FGF12: variants seen among roughly 807,000 people sequenced by gnomAD.
FGF12 encodes fibroblast growth factor 12B.
In FGF12, 14 loss-of-function variants were observed where a neutral mutation model predicts 23.6. That is an observed-to-expected ratio of 0.59 (90% CI 0.39 to 0.93). FGF12 has a LOEUF of 0.93. Among genes scored for constraint, FGF12 ranks in the 40% least tolerant of loss-of-function variants. FGF12 has a pLI of 0.00. For missense variants in FGF12, 175 were observed against 217.8 expected, an observed-to-expected ratio of 0.80 and a Z score of 1.24; for synonymous variants, 62 against 77.3, an observed-to-expected ratio of 0.80 and a Z score of 1.04.
At chr3:192,536,567 T>C (rs567548306) in intron 2 of FGF12, among the ~76,000 whole-genome samples, 10 of 152,206 alleles carry the variant, frequency 6.6e-5, no homozygotes, top group Non-Finnish European at 1.5e-4. Context: ...TCCTGAGACA[T>C]TAACAAAAAT....
intron 2 of FGF12, among the ~76,000 whole-genome samples, chr3:192,416,867 A>G (rs1721374305): frequency 6.6e-6 from 1 of 152,142 alleles, no homozygotes; most frequent in Admixed American, 6.6e-5. Flanking sequence ...AGACAGATAG[A>G]TATAGATAGG....
intron 4 of FGF12, among the ~76,000 whole-genome samples, chr3:192,195,296 C>T (rs925774059): frequency 1.3e-5 from 2 of 152,114 alleles, no homozygotes; most frequent in East Asian, 1.9e-4. Context: ...ATTTTTGTTA[C>T]ACGTTTATAA....
Position 192,567,755 on chromosome 3 carries a change from TTC to T in FGF12, c.13+159424_13+159425del, listed in dbSNP as rs1491454793. Among the ~76,000 whole-genome samples, 594 of 128,404 alleles carry T rather than the reference TTC, an allele frequency of 4.6e-3. 4 individuals are homozygous for T. The highest frequency in any genetic ancestry group is 0.016 in the African/African-American group (564 of 35,800). 84.2% of individuals were successfully genotyped at this position (128,404 alleles called of 152,430 possible). A position where few individuals can be genotyped will look rare whatever the true frequency, so the allele number is the denominator to read the frequency against. ...TGTGTCTCTTTCTTTCTTTCTTTCT[TTC>T]TTTCTTTCTTTCTTTCTTTCTTTCT... On this transcript the variant is annotated intron_variant, in intron 2 of 5. Coordinates refer to ENST00000445105, the MANE Select transcript of FGF12 (RefSeq NM_004113.6).
rs564361051 is a variant in FGF12 at position 192,497,933 on chromosome 3, G to A, written c.14-137395C>T. The stretch of plus-strand genomic sequence containing the variant: ...AATCAACATTATTTGGCTCACCACT[G>A]AATCTCTAGTAATTAAAATAGCACC... On this transcript the variant is annotated intron_variant, in intron 2 of 5. Coordinates refer to ENST00000445105, the MANE Select transcript of FGF12 (RefSeq NM_004113.6). 3.9e-4 allele frequency among the ~76,000 whole-genome samples: 60 copies of A among 152,232 alleles called. 1 individual carries two copies. The highest frequency in any genetic ancestry group is 1.2e-3 in the South Asian group (6 of 4,824).
In FGF12 at chr3:192,142,452, A is replaced by T. The variant is rs1389356012; in HGVS notation, c.*1557T>A. On this transcript the variant is annotated 3_prime_UTR_variant, in exon 6 of 6. Transcript: ENST00000445105. ...TTACATGCTATGTCTTCTCATTGAT[A>T]ATATCCATAAATCTGCATACATTTT... 6.7e-6 allele frequency: 1 copy of T among 149,910 alleles called. No homozygotes were observed. The highest frequency in any genetic ancestry group is 1.5e-5 in the Non-Finnish European group (1 of 67,106). 9.3% of individuals were successfully genotyped at this position (149,910 alleles called of 1,614,324 possible). A position where few individuals can be genotyped will look rare whatever the true frequency, so the allele number is the denominator to read the frequency against.
chr3:192,551,799 T>A (rs943988204), intron 2 of FGF12, among the ~76,000 whole-genome samples: 3 of 152,026 alleles, frequency 2.0e-5, no homozygotes, highest in Non-Finnish European at 4.4e-5. Context: ...ATACCATTCA[T>A]AATGTCAAGC....
intron 2 of FGF12, among the ~76,000 whole-genome samples, chr3:192,718,002 T>C (rs1324499231): frequency 1.3e-5 from 2 of 152,142 alleles, no homozygotes; most frequent in African/African-American, 4.8e-5. Flanking sequence ...ACATAGTTAT[T>C]GGTTTTTAAA....
intron 4 of FGF12, among the ~76,000 whole-genome samples, chr3:192,238,840 C>T (rs1295108140): frequency 6.6e-6 from 1 of 152,170 alleles, no homozygotes; most frequent in Non-Finnish European, 1.5e-5. Context: ...CAATGGCAAT[C>T]TTTGGACAGT....
intron 1 of FGF12, 23 bp downstream of exon 1, chr3:192,727,460 AG>A: frequency 3.7e-6 from 3 of 821,872 alleles, no homozygotes; most frequent in Non-Finnish European, 5.3e-6. Context: ...GTGCCCGCTC[AG>A]ATTTTTTTTT....
chr3:192,158,742 C>T (rs1375944483), intron 5 of FGF12, among the ~76,000 whole-genome samples: 1 of 140,566 alleles, frequency 7.1e-6, no homozygotes, highest in Non-Finnish European at 1.5e-5. Context: ...TATTCTTCCT[C>T]TTTATTTTCC....
intron 2 of FGF12, among the ~76,000 whole-genome samples, chr3:192,378,032 TTCTTTC>T (rs1204793879): frequency 1.1e-4 from 3 of 26,458 alleles, no homozygotes; most frequent in Non-Finnish European, 1.9e-4. Flanking sequence ...TTTCTTTTCT[TTCTTTC>T]TTTCTTTCTT....
intron 2 of FGF12, among the ~76,000 whole-genome samples, chr3:192,599,672 T>C (rs1714026662): frequency 1.3e-5 from 2 of 152,088 alleles, no homozygotes; most frequent in Non-Finnish European, 2.9e-5. Context: ...TTGAGGACTT[T>C]TCTGAGACAA....
chr3:192,579,492 T>G (rs1385361910), intron 2 of FGF12, among the ~76,000 whole-genome samples: 1 of 152,222 alleles, frequency 6.6e-6, no homozygotes, highest in East Asian at 1.9e-4. Flanking sequence ...AAATATCCCC[T>G]GGAGGGTAGG....
At chr3:192,711,502 G>A (rs927777682) in intron 2 of FGF12, among the ~76,000 whole-genome samples, 1 of 152,302 alleles carries the variant, frequency 6.6e-6, no homozygotes, top group Middle Eastern at 3.4e-3. Context: ...TTGTCGAATA[G>A]AAAAGGGGGA....
chr3:192,212,255 T>C (rs73191595), intron 4 of FGF12, among the ~76,000 whole-genome samples: 9,310 of 152,270 alleles, frequency 0.061, 313 homozygotes, highest in South Asian at 0.082. Flanking sequence ...GAAGGTTATA[T>C]AGTGAAGATT....
chr3:192,273,929 GAAAAC>G (rs1713612939), intron 4 of FGF12, among the ~76,000 whole-genome samples: 1 of 150,832 alleles, frequency 6.6e-6, no homozygotes, highest in Non-Finnish European at 1.5e-5. Context: ...AAGTAGAACT[GAAAAC>G]AGTGAAAAAT....
In FGF12 at chr3:192,496,449, G is replaced by A. The variant is rs183076191; in HGVS notation, c.14-135911C>T. Among the ~76,000 whole-genome samples the A allele has an allele frequency of 1.3e-4, 20 of 152,016 alleles. No homozygotes were observed. In the East Asian group the frequency reaches 3.1e-3, roughly 24 times the overall value. On this transcript the variant is annotated intron_variant, in intron 2 of 5. Transcript: ENST00000445105. ...CGCTTTTACACTTGCAATATCCGCC[G>A]TCTTTTTCCTGCAACATCAGCTTTC... is the stretch of plus-strand genomic sequence containing the variant.
chr3:192,487,035 T>C (rs1005824395), intron 2 of FGF12, among the ~76,000 whole-genome samples: 2 of 152,092 alleles, frequency 1.3e-5, no homozygotes, highest in Non-Finnish European at 2.9e-5. Flanking sequence ...GAAGATCCAG[T>C]AACATTGAGC....
chr3:192,251,273 T>G (rs1317382514), intron 4 of FGF12, among the ~76,000 whole-genome samples: 2 of 152,210 alleles, frequency 1.3e-5, no homozygotes, highest in African/African-American at 2.4e-5. Context: ...AATGTTGTCA[T>G]TGATGAGAAC....
Sources: allele counts gnomAD v4.1 joint callset (sites outside exome capture counted in the v4.1 genomes callset), GRCh38; gene constraint gnomAD v4.1.1; transcripts MANE v1.5; gene names NCBI Gene and HGNC (gene_info 2026-07-23, HGNC 2026-07-21).